The following ANKFN1 variants were observed in gnomAD, a reference collection of about 807,000 sequenced individuals.
ANKFN1 encodes ankyrin repeat and fibronectin type-III domain-containing protein 1.
A neutral mutation model predicts 108.7 loss-of-function variants in ANKFN1; 74 were observed. That is an observed-to-expected ratio of 0.68 (90% CI 0.56 to 0.83). ANKFN1 has a LOEUF of 0.83. Ranked by LOEUF, ANKFN1 falls within the 40% of genes least tolerant of loss-of-function variation. The pLI, the probability that ANKFN1 is intolerant of heterozygous loss-of-function variation, is 0.00. For synonymous variants in ANKFN1, 547 were observed against 516.2 expected (o/e 1.06, Z -0.81); for missense variants, 1,505 against 1,382.3 (o/e 1.09, Z -1.41).
intron 3 of ANKFN1, among the ~76,000 whole-genome samples, chr17:56,251,022 T>C (rs934222347): frequency 1.3e-5 from 2 of 152,242 alleles, no homozygotes; most frequent in Admixed American, 1.3e-4. Flanking sequence ...TTTCTTTAAC[T>C]GGTTTCCTTT....
At chr17:56,067,395 T>C (rs1158270089) in intron 4 of ANKFN1, among the ~76,000 whole-genome samples, 1 of 152,212 alleles carries the variant, frequency 6.6e-6, no homozygotes, top group Non-Finnish European at 1.5e-5. Flanking sequence ...ACAGTGCTGC[T>C]CTGAACTTTT....
At chr17:56,419,649 A>T (rs1167549144) in intron 8 of ANKFN1, among the ~76,000 whole-genome samples, 2 of 151,924 alleles carry the variant, frequency 1.3e-5, no homozygotes, top group Admixed American at 6.5e-5. Flanking sequence ...AAAAACAAAA[A>T]AATCAGCCAG....
chr17:56,363,757 A>G (rs1469300090), intron 6 of ANKFN1, among the ~76,000 whole-genome samples: 1 of 152,170 alleles, frequency 6.6e-6, no homozygotes, highest in African/African-American at 2.4e-5. Context: ...TTTAAAAAGG[A>G]AGGAAATGTC....
At chr17:56,457,681 A>G (rs2049756461) in intron 13 of ANKFN1, among the ~76,000 whole-genome samples, 182 bp from the exon 14 acceptor site, 2 of 152,196 alleles carry the variant, frequency 1.3e-5, no homozygotes, top group South Asian at 2.1e-4. Context: ...TGACCGTTTC[A>G]TTAACATTCA....
At chr17:56,116,846 G>T (rs1906313417) in intron 4 of ANKFN1, among the ~76,000 whole-genome samples, 1 of 152,156 alleles carries the variant, frequency 6.6e-6, no homozygotes, top group South Asian at 2.1e-4. Flanking sequence ...TGATAGATGT[G>T]ATGGTTACCT....
chr17:56,052,873 G>T (rs1904802258), intron 4 of ANKFN1, among the ~76,000 whole-genome samples: 1 of 152,182 alleles, frequency 6.6e-6, no homozygotes, highest in Non-Finnish European at 1.5e-5. Flanking sequence ...GAAGAGAAAA[G>T]GGTCTCATGC....
intron 4 of ANKFN1, among the ~76,000 whole-genome samples, chr17:56,333,377 A>G (rs919631021): frequency 1.3e-5 from 2 of 152,140 alleles, no homozygotes; most frequent in Non-Finnish European, 2.9e-5. Context: ...AATGTTGTAT[A>G]TTATTAAATC....
At chr17:56,357,042 G>C (rs1235132356) in intron 6 of ANKFN1, among the ~76,000 whole-genome samples, 1 of 152,030 alleles carries the variant, frequency 6.6e-6, no homozygotes, top group Non-Finnish European at 1.5e-5. Context: ...ATTTGTTCAA[G>C]AGATCCCTGG....
At chr17:56,049,484 G>A (rs1055762705) in intron 4 of ANKFN1, among the ~76,000 whole-genome samples, 3 of 151,652 alleles carry the variant, frequency 2.0e-5, no homozygotes, top group African/African-American at 7.3e-5. Flanking sequence ...CTGGTGCGCT[G>A]CACCCACTAA....
intron 15 of ANKFN1, among the ~76,000 whole-genome samples, chr17:56,469,830 G>A (rs547580957): frequency 4.0e-5 from 6 of 150,258 alleles, no homozygotes; most frequent in Non-Finnish European, 5.9e-5. Context: ...AGTGCAGGAT[G>A]TGCAGGTTTG....
At chr17:56,402,655 A>T (rs1207100797) in intron 8 of ANKFN1, among the ~76,000 whole-genome samples, 1 of 151,264 alleles carries the variant, frequency 6.6e-6, no homozygotes, top group East Asian at 1.9e-4. Context: ...TGTTTCATTT[A>T]TGTTTTGTAT....
intron 4 of ANKFN1, among the ~76,000 whole-genome samples, chr17:56,140,596 T>A (rs73325679): frequency 6.6e-5 from 10 of 152,330 alleles, no homozygotes; most frequent in African/African-American, 2.4e-4. Context: ...AGTAGCTGGA[T>A]GACCTTGGGC....
At chr17:56,295,887 C>G (rs570593198) in intron 3 of ANKFN1, among the ~76,000 whole-genome samples, 1 of 152,326 alleles carries the variant, frequency 6.6e-6, no homozygotes, top group Admixed American at 6.5e-5. Flanking sequence ...TTAAGCCATT[C>G]ATGAGGGTGG....
chr17:56,114,736 G>A (rs1159171582), intron 4 of ANKFN1, among the ~76,000 whole-genome samples: 1 of 152,188 alleles, frequency 6.6e-6, no homozygotes, highest in Non-Finnish European at 1.5e-5. Flanking sequence ...TTGCTAATCA[G>A]CCGATCTTAA....
rs1365886100 is a variant in ANKFN1, at chr17:56,276,605, A to T, written c.53+48648A>T. Among the ~76,000 whole-genome samples, 3 of 152,156 alleles carry T rather than the reference A, an allele frequency of 2.0e-5. No homozygotes were observed. In the East Asian group the frequency reaches 5.8e-4, roughly 29 times the overall value. ...ATTTGCATTTCTCTGATGACCAGTGATGGTGAGCATTTTTTCATGTGTCTG... is the reference window on the plus strand; with the variant it reads ...ATTTGCATTTCTCTGATGACCAGTGTTGGTGAGCATTTTTTCATGTGTCTG... On this transcript the variant is annotated intron_variant, in intron 3 of 20. Transcript: ENST00000682825.
intron 1 of ANKFN1, among the ~76,000 whole-genome samples, chr17:56,184,060 T>A (rs1187446324): frequency 1.3e-5 from 2 of 152,204 alleles, no homozygotes; most frequent in African/African-American, 4.8e-5. Context: ...ATAAAGGATT[T>A]AGAAAATTAC....
chr17:56,330,170 G>A (rs1598413791), intron 4 of ANKFN1, among the ~76,000 whole-genome samples: 1 of 152,206 alleles, frequency 6.6e-6, no homozygotes, highest in South Asian at 2.1e-4. Flanking sequence ...ATAAAGGAAA[G>A]ACTGGGTAAT....
At chr17:56,429,476 G>T (rs865914400) in intron 8 of ANKFN1, among the ~76,000 whole-genome samples, 38 of 152,270 alleles carry the variant, frequency 2.5e-4, no homozygotes, top group African/African-American at 8.9e-4. Context: ...CCAATGAGTT[G>T]AATTTAAATT....
chr17:56,413,416 T>C (rs2048153437), intron 8 of ANKFN1, among the ~76,000 whole-genome samples: 1 of 152,184 alleles, frequency 6.6e-6, no homozygotes, highest in African/African-American at 2.4e-5. Context: ...GCCCTTTGTT[T>C]CTTTCTCTTG....
Sources: allele counts gnomAD v4.1 joint callset (sites outside exome capture counted in the v4.1 genomes callset), GRCh38; gene constraint gnomAD v4.1.1; transcripts MANE v1.5; gene names NCBI Gene and HGNC (gene_info 2026-07-23, HGNC 2026-07-21).